CDHR5: variants seen among roughly 807,000 people sequenced by gnomAD.
The protein encoded by CDHR5 is cadherin related family member 5, also known as cadherin-related family member 5.
Under a neutral mutation model 69.5 loss-of-function variants are expected in CDHR5, and 82 were observed. That is an observed-to-expected ratio of 1.18 (90% CI 0.99 to 1.42). The LOEUF (loss-of-function observed/expected upper bound fraction) is 1.42, where lower values mean the gene tolerates loss of function less well. Ranked by LOEUF, CDHR5 falls within the 40% of genes most tolerant of loss-of-function variation. The pLI is 0.00. For synonymous variants in CDHR5, 601 were observed against 510.2 expected, an observed-to-expected ratio of 1.18 and a Z score of -2.40; for missense variants, 1,293 against 1,168.9, an observed-to-expected ratio of 1.11 and a Z score of -1.55.
Position 617,226 on chromosome 11 carries a change from C to G in CDHR5, c.*125G>C. On this transcript the variant is annotated 3_prime_UTR_variant, in exon 15 of 15. Coordinates refer to ENST00000397542, the MANE Select transcript of CDHR5 (RefSeq NM_021924.5). ...CTGAGTGAATGGGACCCCCATGGACCCGCGCGCCTGCCCCACGCCATGGCC... is the reference window on the plus strand; with the variant it reads ...CTGAGTGAATGGGACCCCCATGGACGCGCGCGCCTGCCCCACGCCATGGCC... 1.4e-6 allele frequency: 1 copy of G among 721,676 alleles called. No homozygotes were observed. 44.7% of individuals were successfully genotyped at this position (721,676 alleles called of 1,614,324 possible). A position where few individuals can be genotyped will look rare whatever the true frequency, so the allele number is the denominator to read the frequency against.
At position 621,164 on chromosome 11, in the gene CDHR5, CG is replaced by C; in HGVS notation, c.704del (p.Pro235ArgfsTer62). On this transcript the variant is annotated frameshift_variant, in exon 7 of 15. Transcript: ENST00000397542. LOFTEE classifies it high-confidence loss of function. The surrounding 1 kb of genome is among the most constrained non-coding windows in gnomAD (Gnocchi z 4.4). Reference sequence around the variant, plus strand: ...CTGAGAAGGTGCAGGGCAGGAACCACGGGGGCCGCAGGTCGGCGGGCACCAC... The same window carrying C: ...CTGAGAAGGTGCAGGGCAGGAACCACGGGGCCGCAGGTCGGCGGGCACCAC... ...LNVVPADLRP[P>X]WFLPCTFSDG... 6.2e-7 allele frequency: 1 copy of C among 1,605,064 alleles called. No homozygotes were observed.
rs1165750836 is a variant in CDHR5, at chr11:621,517, T to C, written c.507+45A>G. ...TGGAGGGCGAGGGCGGCTGTGGGTG[T>C]CAGAGGCGAGGGGCTCGTGCTGGGG... On this transcript the variant is annotated intron_variant, in intron 5 of 14. Transcript: ENST00000397542. This position sits in a 1 kb window ranked among gnomAD's most constrained non-coding sequence, Gnocchi z 4.4. 1.9e-6 allele frequency: 3 copies of C among 1,592,786 alleles called. No homozygotes were observed. Among genetic ancestry groups the C allele is most frequent in the Middle Eastern group, 3.3e-4 (2 of 6,046 alleles).
At position 624,035 on chromosome 11, in the gene CDHR5, C is replaced by T. The variant is rs1194521318; in HGVS notation, c.312+178G>A. Reference sequence around the variant, plus strand: ...TGTCTGCTGGACAAGGGGTCAGTGACGGGGACTCCACAGCTCAGGGCAGAG... The same window carrying T: ...TGTCTGCTGGACAAGGGGTCAGTGATGGGGACTCCACAGCTCAGGGCAGAG... On this transcript the variant is annotated intron_variant, in intron 3 of 14. Coordinates refer to ENST00000397542, the MANE Select transcript of CDHR5 (RefSeq NM_021924.5). This position sits in a 1 kb window ranked among gnomAD's most constrained non-coding sequence, Gnocchi z 5.3. 3.3e-5 allele frequency among the ~76,000 whole-genome samples: 5 copies of T among 151,958 alleles called. No homozygotes were observed. The highest frequency in any genetic ancestry group is 9.7e-5 in the African/African-American group (4 of 41,358).
Position 624,809 on chromosome 11 carries a change from C to G in CDHR5, c.85+9G>C, listed in dbSNP as rs767846253. ...CGCCCGTGCCCCACCTACCCCTGCC[C>G]GCACATACACTGGGCCTGGGCCATG... is the stretch of plus-strand genomic sequence containing the variant. On this transcript the variant is annotated intron_variant, in intron 1 of 14. Transcript: ENST00000397542. This position sits in a 1 kb window ranked among gnomAD's most constrained non-coding sequence, Gnocchi z 5.3. 3.7e-6 allele frequency: 6 copies of G among 1,609,156 alleles called. No homozygotes were observed. The highest frequency in any genetic ancestry group is 2.2e-5 in the South Asian group (2 of 90,834).
chr11:621,287 C>G lies in CDHR5; in HGVS notation c.619-37G>C. ...GGCTGTGCTGGATCAGGCCTGGGAG[C>G]AGCTGGGGCCGGGGGGCCTCAAGTG... is the stretch of plus-strand genomic sequence containing the variant. On this transcript the variant is annotated intron_variant, in intron 6 of 14. Transcript: ENST00000397542. This position sits in a 1 kb window ranked among gnomAD's most constrained non-coding sequence, Gnocchi z 4.4. The G allele has an allele frequency of 6.2e-7, 1 of 1,610,144 alleles. No homozygotes were observed. The highest frequency in any genetic ancestry group is 8.5e-7 in the Non-Finnish European group (1 of 1,177,728).
At position 617,283 on chromosome 11, in the gene CDHR5, C is replaced by G; in HGVS notation, c.*68G>C. Reference sequence around the variant, plus strand: ...TCGGGAGCCTTGCTTTATTCTGCCTCGGGTCGGAGGCTGGGGGAGCGAGAC... The same window carrying G: ...TCGGGAGCCTTGCTTTATTCTGCCTGGGGTCGGAGGCTGGGGGAGCGAGAC... On this transcript the variant is annotated 3_prime_UTR_variant, in exon 15 of 15. Coordinates refer to ENST00000397542, the MANE Select transcript of CDHR5 (RefSeq NM_021924.5). The G allele has an allele frequency of 7.8e-7, 1 of 1,278,954 alleles. No individual in the cohort carries two copies. Among genetic ancestry groups the G allele is most frequent in the Non-Finnish European group, 1.1e-6 (1 of 914,408 alleles). The allele number at this position is 1,278,954 out of a possible 1,614,324, so 79.2% of individuals were successfully genotyped here. A position where few individuals can be genotyped will look rare whatever the true frequency, so the allele number is the denominator to read the frequency against.
In CDHR5 at chr11:620,268, G is replaced by A. The variant is rs756931507; in HGVS notation, c.880+28C>T. The A allele has an allele frequency of 2.3e-5, 37 of 1,592,216 alleles. 1 individual carries two copies. In the South Asian group the frequency reaches 4.1e-4, roughly 18 times the overall value. Reference sequence around the variant, plus strand: ...GAGACAGGGACAGAGGGGGTACAGGGCATTGTTGAGGGCTGGGCCCCACTC... The same window carrying A: ...GAGACAGGGACAGAGGGGGTACAGGACATTGTTGAGGGCTGGGCCCCACTC... On this transcript the variant is annotated intron_variant, in intron 8 of 14. Coordinates refer to ENST00000397542, the MANE Select transcript of CDHR5 (RefSeq NM_021924.5).
rs1390394672 is a variant in CDHR5, at chr11:617,021, C to T, written c.*330G>A. On this transcript the variant is annotated 3_prime_UTR_variant, in exon 15 of 15. Coordinates refer to ENST00000397542, the MANE Select transcript of CDHR5 (RefSeq NM_021924.5). Reference sequence around the variant, plus strand: ...TGCAGGTCGGGGGAGGGGAGCCCCCCTCGGGCTGTGGTTAGAGCGGGAGAG... The same window carrying T: ...TGCAGGTCGGGGGAGGGGAGCCCCCTTCGGGCTGTGGTTAGAGCGGGAGAG... 1 of 350,882 alleles carries T rather than the reference C, an allele frequency of 2.8e-6. No homozygotes were observed. The highest frequency in any genetic ancestry group is 4.7e-5 in the Admixed American group (1 of 21,114). 21.7% of individuals were successfully genotyped at this position (350,882 alleles called of 1,614,324 possible). A position where few individuals can be genotyped will look rare whatever the true frequency, so the allele number is the denominator to read the frequency against.
Position 621,786 on chromosome 11 carries a change from A to G in CDHR5, c.405+26T>C. 3 of 1,601,148 alleles carry G rather than the reference A, an allele frequency of 1.9e-6. No homozygotes were observed. The highest frequency in any genetic ancestry group is 2.6e-6 in the Non-Finnish European group (3 of 1,169,416). On this transcript the variant is annotated intron_variant, in intron 4 of 14. Coordinates refer to ENST00000397542, the MANE Select transcript of CDHR5 (RefSeq NM_021924.5). This position sits in a 1 kb window ranked among gnomAD's most constrained non-coding sequence, Gnocchi z 4.4. ...CCTGGGCTCCCACACCCCCGTGCCC[A>G]GTCCCCGCGGCTTCGCTGGCCTCAC...
At chr11:620,028 C>T (rs753204788) in intron 9 of CDHR5, 39 bp downstream of exon 9, 13 of 1,066,898 alleles carry the variant, frequency 1.2e-5, no homozygotes, top group Non-Finnish European at 1.7e-5. Flanking sequence ...TTCCACCCTT[C>T]CCCCTCTGCC....
rs753083717 is a variant in CDHR5 at position 617,491 on chromosome 11, C to T, written c.2398G>A (p.Glu800Lys). 2 of 1,612,630 alleles carry T rather than the reference C, an allele frequency of 1.2e-6. No individual in the cohort carries two copies. Among genetic ancestry groups the T allele is most frequent in the Non-Finnish European group, 1.7e-6 (2 of 1,179,866 alleles). ...AVWFGEDIGT[E>K]ADVVVLNAPT... is the part of the protein sequence containing the mutation. ...GCGTTGAGAACGACCACGTCTGCCTCCGTCCCGATGTCCTCGCCAAACCAG... is the reference window on the plus strand; with the variant it reads ...GCGTTGAGAACGACCACGTCTGCCTTCGTCCCGATGTCCTCGCCAAACCAG... Residue 800 changes from glutamate to lysine, a missense_variant, in exon 15 of 15, where the codon GAG becomes AAG. Coordinates refer to ENST00000397542, the MANE Select transcript of CDHR5 (RefSeq NM_021924.5).
chr11:622,310 G>T (rs1857460204), intron 3 of CDHR5, among the ~76,000 whole-genome samples: 1 of 152,166 alleles, frequency 6.6e-6, no homozygotes, highest in South Asian at 2.1e-4. Flanking sequence ...CAGACAAAAA[G>T]GACTTTATAA....
chr11:624,882 C>A lies in CDHR5; in HGVS notation c.21G>T (p.Leu7=). 1 of 1,565,486 alleles carries A rather than the reference C, an allele frequency of 6.4e-7. No individual in the cohort carries two copies. Among genetic ancestry groups the A allele is most frequent in the East Asian group, 2.3e-5 (1 of 42,702 alleles). ...GCCCGGTGAACAGCAGGGGAGGCCACAGCAGGGCCCAAGACCCCATCTTGG... is the reference window on the plus strand; with the variant it reads ...GCCCGGTGAACAGCAGGGGAGGCCAAAGCAGGGCCCAAGACCCCATCTTGG... MGSWAL[L]WPPLLFTGLL... The change falls in exon 1 of 15, where the codon CTG becomes CTT. Residue 7 remains leucine, a synonymous_variant. Transcript: ENST00000397542. This position sits in a 1 kb window ranked among gnomAD's most constrained non-coding sequence, Gnocchi z 5.3.
In CDHR5 at chr11:616,974, G is replaced by A; in HGVS notation, c.*377C>T. On this transcript the variant is annotated 3_prime_UTR_variant, in exon 15 of 15. Transcript: ENST00000397542. Reference sequence around the variant, plus strand: ...GTCGGGAGCGGGAGGTCTGAGATGAGCCGGGTGCCTGAGATCTCCGGTGCA... The same window carrying A: ...GTCGGGAGCGGGAGGTCTGAGATGAACCGGGTGCCTGAGATCTCCGGTGCA... The A allele has an allele frequency of 4.0e-6, 1 of 251,300 alleles. No homozygotes were observed. The highest frequency in any genetic ancestry group is 8.2e-5 in the South Asian group (1 of 12,190). 15.6% of individuals were successfully genotyped at this position (251,300 alleles called of 1,614,324 possible).
chr11:624,039 G>T lies in CDHR5; in HGVS notation c.312+174C>A, dbSNP rs1211399099. 6.6e-6 allele frequency among the ~76,000 whole-genome samples: 1 copy of T among 152,102 alleles called. No homozygotes were observed. The highest frequency in any genetic ancestry group is 1.5e-5 in the Non-Finnish European group (1 of 67,998). On this transcript the variant is annotated intron_variant, in intron 3 of 14. Coordinates refer to ENST00000397542, the MANE Select transcript of CDHR5 (RefSeq NM_021924.5). The surrounding 1 kb of genome is among the most constrained non-coding windows in gnomAD (Gnocchi z 5.3). ...TGCTGGACAAGGGGTCAGTGACGGG[G>T]ACTCCACAGCTCAGGGCAGAGTCTG...
rs1015376034 is a variant in CDHR5, at chr11:617,887, C to T, written c.2118+67G>A. ...CTCCACATCTGTCCCTCTGCCCTCC[C>T]CTCTCCTGTCCCCCGTCCCCCACTT... is the stretch of plus-strand genomic sequence containing the variant. On this transcript the variant is annotated intron_variant, in intron 14 of 14. Transcript: ENST00000397542. 5 of 1,555,430 alleles carry T rather than the reference C, an allele frequency of 3.2e-6. No homozygotes were observed. In the African/African-American group the frequency reaches 4.1e-5, roughly 13 times the overall value.
intron 12 of CDHR5, 38 bp from the exon 13 acceptor site, chr11:619,218 C>G (rs774294597): frequency 1.5e-5 from 22 of 1,470,198 alleles, no homozygotes; most frequent in Non-Finnish European, 1.8e-5. Flanking sequence ...TGCCTCTGCC[C>G]GCCCCTTGCA....
At position 624,210 on chromosome 11, in the gene CDHR5, C is replaced by A; in HGVS notation, c.312+3G>T. The A allele has an allele frequency of 1.3e-6, 1 of 761,412 alleles. No individual in the cohort carries two copies. The highest frequency in any genetic ancestry group is 1.4e-5 in the South Asian group (1 of 71,954). The allele number at this position is 761,412 out of a possible 1,614,324, so 47.2% of individuals were successfully genotyped here. ...GGGCGGGGAGAGCGGGGCGGGGACTCACCAATGTGCCTCCGCTCTGACACA... is the reference window on the plus strand; with the variant it reads ...GGGCGGGGAGAGCGGGGCGGGGACTAACCAATGTGCCTCCGCTCTGACACA... On this transcript the variant is annotated splice_donor_region_variant and intron_variant, in intron 3 of 14. Coordinates refer to ENST00000397542, the MANE Select transcript of CDHR5 (RefSeq NM_021924.5). The surrounding 1 kb of genome is among the most constrained non-coding windows in gnomAD (Gnocchi z 5.3).
In CDHR5 at chr11:618,834, C is replaced by T. The variant is rs760034778; in HGVS notation, c.1725G>A (p.Glu575=). Residue 575 remains glutamate (E), a synonymous_variant, in exon 13 of 15, where the codon GAG becomes GAA. Transcript: ENST00000397542. ...GGGGCATCGGCTGAGAGGTTCCTGG[C>T]TCTGGGGTCTGTGCTGTGCCCCCAC... ...TPSGGTAQTP[E]PGTSQPMPPS... 8.7e-6 allele frequency: 14 copies of T among 1,610,292 alleles called. 1 individual carries two copies. The Admixed American group carries it at 1.7e-4, about 19-fold the overall frequency.
Sources: gnomAD v4.1 joint callset for allele counts (sites outside exome capture counted in the v4.1 genomes callset) on GRCh38, gnomAD v4.1.1 for gene constraint, Gnocchi (gnomAD v3.1) non-coding constraint, MANE v1.5 for transcripts, NCBI Gene and HGNC (gene_info 2026-07-23, HGNC 2026-07-21) for gene names.